The following PATJ variants were observed in gnomAD, a reference collection of about 807,000 sequenced individuals.
PATJ encodes the protein inaD-like protein.
A neutral mutation model predicts 224.9 loss-of-function variants in PATJ; 190 were observed. That is an observed-to-expected ratio of 0.84 (90% CI 0.75 to 0.95). PATJ has a LOEUF of 0.95. PATJ is among the 40% of genes least tolerant of loss of function. PATJ has a pLI of 0.00. For synonymous variants in PATJ, 769 were observed against 820.3 expected, an observed-to-expected ratio of 0.94 and a Z score of 1.07; for missense variants, 2,121 against 2,270.3, an observed-to-expected ratio of 0.93 and a Z score of 1.34.
chr1:62,039,146 G>A, intron 30 of PATJ: 1 of 618,836 alleles, frequency 1.6e-6, no homozygotes, highest in Non-Finnish European at 3.1e-6. Flanking sequence ...CCTGTCATAG[G>A]AACTCCATCC....
At chr1:62,140,977 G>A (rs1667443008) in intron 41 of PATJ, among the ~76,000 whole-genome samples, 1 of 151,962 alleles carries the variant, frequency 6.6e-6, no homozygotes, top group Non-Finnish European at 1.5e-5. Context: ...AAGTGGGGGT[G>A]AGGTGGTGGG....
chr1:61,747,560 G>A (rs919555557), intron 1 of PATJ, among the ~76,000 whole-genome samples: 2 of 152,148 alleles, frequency 1.3e-5, no homozygotes, highest in African/African-American at 4.8e-5. Flanking sequence ...CCTGCTTTTT[G>A]TTCCTCCCTT....
chr1:62,148,253 A>G, intron 41 of PATJ, 31 bp from the exon 42 acceptor site: 7 of 1,479,606 alleles, frequency 4.7e-6, no homozygotes, highest in Non-Finnish European at 6.6e-6. Context: ...CTTCTTTATA[A>G]TGAAATACCT....
intron 20 of PATJ, 122 bp downstream of exon 20, chr1:61,864,755 G>A: frequency 1.3e-6 from 1 of 795,898 alleles, no homozygotes; most frequent in Non-Finnish European, 1.9e-6. Flanking sequence ...AGTCGTCACT[G>A]TTTACAAGAT....
chr1:61,965,844 G>A (rs1050181861), intron 27 of PATJ, among the ~76,000 whole-genome samples: 2 of 152,176 alleles, frequency 1.3e-5, no homozygotes, highest in African/African-American at 4.8e-5. Context: ...GATGATCCAG[G>A]TTCCACAGGA....
rs529836719 is a variant in PATJ, at chr1:62,082,639, TACTC to T, written c.4244-1873_4244-1870del. On this transcript the variant is annotated intron_variant, in intron 32 of 43. Coordinates refer to ENST00000642238, the MANE Select transcript of PATJ (RefSeq NM_001350145.3). ...TGGGCCACACAACCGCTATTGCAGT[TACTC>T]ACCCCTGCCATTGTAGTATGCTAGC... Among the ~76,000 whole-genome samples, 136 of 152,330 alleles carry T rather than the reference TACTC, an allele frequency of 8.9e-4. 1 individual carries two copies. Among genetic ancestry groups the T allele is most frequent in the Admixed American group, 2.7e-3 (41 of 15,302 alleles).
chr1:61,943,538 G>A (rs1678159333), intron 27 of PATJ, among the ~76,000 whole-genome samples: 1 of 152,194 alleles, frequency 6.6e-6, no homozygotes, highest in African/African-American at 2.4e-5. Context: ...GGCTGGGGGA[G>A]GGGTGTCCCC....
chr1:61,978,204 C>T, intron 27 of PATJ, among the ~76,000 whole-genome samples: 1 of 134,770 alleles, frequency 7.4e-6, no homozygotes, highest in Non-Finnish European at 1.6e-5. Context: ...TATCTTCCTT[C>T]CTTCCTTCCT....
chr1:62,050,497 G>A (rs1653405573), intron 30 of PATJ, among the ~76,000 whole-genome samples: 1 of 152,216 alleles, frequency 6.6e-6, no homozygotes, highest in South Asian at 2.1e-4. Flanking sequence ...ATTGTCATGG[G>A]ACGGTCGTCC....
chr1:61,990,292 T>C lies in PATJ; in HGVS notation c.3795T>C (p.Phe1265=). Residue 1265 remains phenylalanine (F), a synonymous_variant, in exon 28 of 44, where the codon TTT becomes TTC. Coordinates refer to ENST00000642238, the MANE Select transcript of PATJ (RefSeq NM_001350145.3). The stretch of plus-strand genomic sequence containing the variant: ...AAGACCGATCACGCATGAGCATATT[T>C]GTGGTGGGAATTAACCCGGAAGGAC... ...GNKDRSRMSI[F]VVGINPEGPA... is the part of the protein sequence containing the mutation. 6.2e-7 allele frequency: 1 copy of C among 1,614,042 alleles called. No homozygotes were observed. Among genetic ancestry groups the C allele is most frequent in the Non-Finnish European group, 8.5e-7 (1 of 1,179,958 alleles).
intron 14 of PATJ, among the ~76,000 whole-genome samples, chr1:61,821,977 A>G (rs1002504067): frequency 6.6e-6 from 1 of 152,196 alleles, no homozygotes; most frequent in Non-Finnish European, 1.5e-5. Flanking sequence ...ATCTCAGCCC[A>G]TATGAATCCT....
At chr1:62,023,390 A>C (rs1647200976) in intron 29 of PATJ, among the ~76,000 whole-genome samples, 1 of 152,180 alleles carries the variant, frequency 6.6e-6, no homozygotes, top group Non-Finnish European at 1.5e-5. Context: ...TTTAACTTTC[A>C]TAAAGAAACA....
At chr1:62,090,046 C>G (rs1297403332) in intron 33 of PATJ, among the ~76,000 whole-genome samples, 1 of 152,170 alleles carries the variant, frequency 6.6e-6, no homozygotes, top group African/African-American at 2.4e-5. Flanking sequence ...GTCTTGACAC[C>G]ACATCAGTCC....
At chr1:62,110,632 T>C (rs535440423) in intron 34 of PATJ, among the ~76,000 whole-genome samples, 4 of 152,290 alleles carry the variant, frequency 2.6e-5, no homozygotes, top group Admixed American at 2.6e-4. Flanking sequence ...TTTAGGCCAG[T>C]TCCTTCTCAT....
intron 36 of PATJ, 59 bp from the exon 37 acceptor site, chr1:62,117,073 A>C: frequency 1.1e-5 from 15 of 1,383,764 alleles, no homozygotes; most frequent in Non-Finnish European, 1.5e-5. Context: ...CTCTGTTAAG[A>C]TATTTCAGAA....
At chr1:61,765,546 G>C (rs1475492019) in intron 3 of PATJ, among the ~76,000 whole-genome samples, 1 of 151,898 alleles carries the variant, frequency 6.6e-6, no homozygotes, top group Non-Finnish European at 1.5e-5. Flanking sequence ...CACCATGCCC[G>C]GCTAATTTTT....
chr1:62,129,814 G>T (rs1265193814), intron 41 of PATJ, among the ~76,000 whole-genome samples: 1 of 152,152 alleles, frequency 6.6e-6, no homozygotes, highest in Non-Finnish European at 1.5e-5. Context: ...GGTGGTGGGT[G>T]CCTGTAATCT....
In PATJ at chr1:62,162,403, C is replaced by T. The variant is rs1669902978; in HGVS notation, c.*1349C>T. 6.6e-6 allele frequency: 1 copy of T among 152,176 alleles called. No individual in the cohort carries two copies. Among genetic ancestry groups the T allele is most frequent in the South Asian group, 2.1e-4 (1 of 4,828 alleles). 9.4% of individuals were successfully genotyped at this position (152,176 alleles called of 1,614,324 possible). A position where few individuals can be genotyped will look rare whatever the true frequency, so the allele number is the denominator to read the frequency against. On this transcript the variant is annotated 3_prime_UTR_variant, in exon 44 of 44. Transcript: ENST00000642238. ...AGGCCAGCAGCATGGACTGCAAGAA[C>T]CTAAGGGAGCAACATACTTAGCTGC...
intron 29 of PATJ, among the ~76,000 whole-genome samples, chr1:62,031,120 A>C (rs905717713): frequency 6.6e-6 from 1 of 152,230 alleles, no homozygotes; most frequent in Non-Finnish European, 1.5e-5. Context: ...TTCTCATGTT[A>C]CATACCCGTC....
Sources: allele counts gnomAD v4.1 joint callset (sites outside exome capture counted in the v4.1 genomes callset), GRCh38; gene constraint gnomAD v4.1.1; transcripts MANE v1.5; gene names NCBI Gene and HGNC (gene_info 2026-07-23, HGNC 2026-07-21).